SLC44A1: variants seen among roughly 807,000 people sequenced by gnomAD.
SLC44A1 encodes solute carrier family 44 member 1, also known as choline transporter-like protein 1.
A neutral mutation model predicts 79.3 loss-of-function variants in SLC44A1; 26 were observed. The observed-to-expected ratio is 0.33, with a 90% CI of 0.24 to 0.46. The LOEUF (loss-of-function observed/expected upper bound fraction) is 0.46. Among genes scored for constraint, SLC44A1 ranks in the 20% least tolerant of loss-of-function variants. SLC44A1 has a pLI of 1.00. For synonymous variants in SLC44A1, 263 were observed against 286.2 expected (o/e 0.92, Z 0.82); for missense variants, 688 against 798.1 (o/e 0.86, Z 1.66).
intron 15 of SLC44A1, among the ~76,000 whole-genome samples, chr9:105,430,366 C>T (rs9299388): frequency 0.041 from 6,245 of 152,152 alleles, 409 homozygotes; most frequent in African/African-American, 0.14. Flanking sequence ...CAACTAAGAC[C>T]ACCACGTGAC....
intron 1 of SLC44A1, among the ~76,000 whole-genome samples, chr9:105,255,588 A>G (rs1829685639): frequency 6.6e-6 from 1 of 152,184 alleles, no homozygotes; most frequent in South Asian, 2.1e-4. Context: ...AGTCTGTTAT[A>G]CTTCCTCATT....
intron 12 of SLC44A1, among the ~76,000 whole-genome samples, chr9:105,370,309 G>A (rs1398853611): frequency 6.6e-6 from 1 of 152,212 alleles, no homozygotes; most frequent in Non-Finnish European, 1.5e-5. Context: ...CTTGACCTTT[G>A]TGTATCCAGT....
intron 1 of SLC44A1, among the ~76,000 whole-genome samples, chr9:105,251,991 C>G (rs1202881872): frequency 2.6e-5 from 4 of 152,108 alleles, no homozygotes; most frequent in Admixed American, 2.6e-4. Context: ...TTATGGCTTA[C>G]GAGCTAAGAA....
intron 1 of SLC44A1, among the ~76,000 whole-genome samples, chr9:105,297,352 T>A (rs1294684029): frequency 6.6e-6 from 1 of 152,218 alleles, no homozygotes; most frequent in African/African-American, 2.4e-5. Context: ...CCTAAATTCT[T>A]ATGAAAATTA....
chr9:105,352,796 T>G (rs151274934), intron 5 of SLC44A1, among the ~76,000 whole-genome samples: 1 of 152,308 alleles, frequency 6.6e-6, no homozygotes, highest in Non-Finnish European at 1.5e-5. Context: ...CACATGGGAT[T>G]TAAACGCTAA....
intron 3 of SLC44A1, among the ~76,000 whole-genome samples, chr9:105,325,034 C>T (rs1246990456): frequency 2.0e-5 from 3 of 152,192 alleles, no homozygotes; most frequent in Admixed American, 2.0e-4. Context: ...CAGATGTCCC[C>T]ACAAAGACTT....
chr9:105,246,094 G>T (rs1012512955), intron 1 of SLC44A1, among the ~76,000 whole-genome samples: 9 of 152,152 alleles, frequency 5.9e-5, no homozygotes, highest in African/African-American at 1.9e-4. Context: ...TTAGGGGGCA[G>T]AAAAGGGCTC....
rs557391947 is a variant in SLC44A1 at position 105,262,075 on chromosome 9, C to T, written c.36+17171C>T. 2.0e-5 allele frequency among the ~76,000 whole-genome samples: 3 copies of T among 152,110 alleles called. No homozygotes were observed. In the East Asian group the frequency reaches 5.8e-4, roughly 29 times the overall value. ...CTGGGATTACAGGTGTGAGCCACCA[C>T]GCCTGGCCCTGTGTTTCTTATATAG... is the stretch of plus-strand genomic sequence containing the variant. On this transcript the variant is annotated intron_variant, in intron 1 of 15. Transcript: ENST00000374720.
At chr9:105,278,711 G>C (rs1830273620) in intron 1 of SLC44A1, among the ~76,000 whole-genome samples, 1 of 152,196 alleles carries the variant, frequency 6.6e-6, no homozygotes, top group Admixed American at 6.5e-5. Context: ...TGCATTTGCA[G>C]CTTTGCCAGA....
intron 15 of SLC44A1, among the ~76,000 whole-genome samples, chr9:105,436,555 G>T (rs929506337): frequency 6.6e-6 from 1 of 152,066 alleles, no homozygotes; most frequent in African/African-American, 2.4e-5. Flanking sequence ...CACTCCGTTC[G>T]GGGTGACAGA....
intron 15 of SLC44A1, among the ~76,000 whole-genome samples, chr9:105,425,955 T>C (rs967506878): frequency 1.3e-5 from 2 of 152,236 alleles, no homozygotes; most frequent in Admixed American, 6.5e-5. Flanking sequence ...TTCCACGCCA[T>C]GCAAGGTGTT....
In SLC44A1 at chr9:105,395,676, C is replaced by T. The variant is rs1235834097; in HGVS notation, c.*6620C>T. 1.0e-6 allele frequency: 1 copy of T among 985,290 alleles called. No homozygotes were observed. The highest frequency in any genetic ancestry group is 1.2e-6 in the Non-Finnish European group (1 of 829,890). 61.0% of individuals were successfully genotyped at this position (985,290 alleles called of 1,614,324 possible). A position where few individuals can be genotyped will look rare whatever the true frequency, so the allele number is the denominator to read the frequency against. ...TAAGACTTAAAGGGAATATTCTGAC[C>T]TTCGTGTATGAATCTGATCCACCCA... On this transcript the variant is annotated 3_prime_UTR_variant, in exon 16 of 16. Transcript: ENST00000374720.
At chr9:105,382,630 G>A (rs1828501812) in intron 13 of SLC44A1, among the ~76,000 whole-genome samples, 1 of 152,140 alleles carries the variant, frequency 6.6e-6, no homozygotes, top group Admixed American at 6.5e-5. Flanking sequence ...TTATGTAGCT[G>A]AGTAAATATG....
Position 105,319,662 on chromosome 9 carries a change from T to C in SLC44A1, c.269+9796T>C, listed in dbSNP as rs145202157. 1.4e-3 allele frequency among the ~76,000 whole-genome samples: 206 copies of C among 152,242 alleles called. 2 individuals are homozygous for C. Among genetic ancestry groups the C allele is most frequent in the African/African-American group, 4.6e-3 (193 of 41,562 alleles). ...TGGTCTACCCCAACCCTAAAACACA[T>C]TGTTAGACTTCTGTGACCCAAGAGC... On this transcript the variant is annotated intron_variant, in intron 3 of 15. Coordinates refer to ENST00000374720, the MANE Select transcript of SLC44A1 (RefSeq NM_080546.5).
chr9:105,270,627 G>C (rs1830055883), intron 1 of SLC44A1, among the ~76,000 whole-genome samples: 1 of 151,688 alleles, frequency 6.6e-6, no homozygotes. Context: ...CCTTAGATTT[G>C]CCAGACTTCC....
chr9:105,296,149 T>A (rs1007713507), intron 1 of SLC44A1, among the ~76,000 whole-genome samples: 2 of 152,216 alleles, frequency 1.3e-5, no homozygotes, highest in Non-Finnish European at 2.9e-5. Flanking sequence ...GTGCATGCTG[T>A]GTGACTGGTG....
chr9:105,414,826 A>C (rs376401976), intron 15 of SLC44A1, among the ~76,000 whole-genome samples: 9 of 152,258 alleles, frequency 5.9e-5, no homozygotes, highest in South Asian at 2.1e-4. Flanking sequence ...AGAAAAAAAA[A>C]CCATAGGAAT....
intron 15 of SLC44A1, among the ~76,000 whole-genome samples, chr9:105,431,559 G>A (rs1335300943): frequency 6.6e-6 from 1 of 152,210 alleles, no homozygotes; most frequent in Non-Finnish European, 1.5e-5. Flanking sequence ...CAGCTGACGT[G>A]AGTAAGAGAT....
chr9:105,411,581 T>A (rs1829096250), intron 15 of SLC44A1, among the ~76,000 whole-genome samples: 1 of 152,022 alleles, frequency 6.6e-6, no homozygotes, highest in African/African-American at 2.4e-5. Flanking sequence ...CAATCCAATC[T>A]AGGATCACAC....
Sources: gnomAD v4.1 joint callset for allele counts (sites outside exome capture counted in the v4.1 genomes callset) on GRCh38, gnomAD v4.1.1 for gene constraint, MANE v1.5 for transcripts, NCBI Gene and HGNC (gene_info 2026-07-23, HGNC 2026-07-21) for gene names.